DNAH9: variants seen among roughly 807,000 people sequenced by gnomAD.
DNAH9 encodes the protein dynein axonemal heavy chain 9, also known as DNAH9 variant protein.
DNAH9 carries 345 observed loss-of-function variants against 471.6 expected under a neutral mutation model. That is an observed-to-expected ratio of 0.73 (90% CI 0.67 to 0.80). The LOEUF is 0.80. Among genes scored for constraint, DNAH9 ranks in the 30% least tolerant of loss-of-function variants. DNAH9 has a pLI of 0.00. For missense variants in DNAH9, 5,407 were observed against 5,609.2 expected, an observed-to-expected ratio of 0.96 and a Z score of 1.15; for synonymous variants, 2,093 against 2,123.6, an observed-to-expected ratio of 0.99 and a Z score of 0.40.
intron 4 of DNAH9, among the ~76,000 whole-genome samples, chr17:11,615,757 T>A (rs750187904): frequency 1.3e-5 from 2 of 152,216 alleles, no homozygotes; most frequent in African/African-American, 2.4e-5. Context: ...AGATTGTGAT[T>A]TTTAAAAAGA....
At chr17:11,696,391 G>A (rs2074477101) in intron 22 of DNAH9, among the ~76,000 whole-genome samples, 1 of 152,012 alleles carries the variant, frequency 6.6e-6, no homozygotes, top group African/African-American at 2.4e-5. Context: ...ATTATATTTT[G>A]TAATTACAAA....
At chr17:11,864,933 G>A (rs1971989385) in intron 50 of DNAH9, among the ~76,000 whole-genome samples, 1 of 152,072 alleles carries the variant, frequency 6.6e-6, no homozygotes, top group South Asian at 2.1e-4. Flanking sequence ...TGTGAGATGG[G>A]TTTCCTGAAT....
intron 42 of DNAH9, among the ~76,000 whole-genome samples, chr17:11,796,007 C>A (rs752383751): frequency 1.3e-5 from 2 of 152,174 alleles, no homozygotes; most frequent in Admixed American, 6.5e-5. Flanking sequence ...TGATTCATGG[C>A]CCTGTGTGAT....
chr17:11,695,524 A>G (rs931417748), intron 22 of DNAH9, among the ~76,000 whole-genome samples: 29 of 152,218 alleles, frequency 1.9e-4, no homozygotes, highest in African/African-American at 6.8e-4. Flanking sequence ...AGTCTTGGAC[A>G]TGTGACTTCT....
At chr17:11,946,863 AATGCTGTGCCCAGACT>A (rs1975146789) in intron 67 of DNAH9, among the ~76,000 whole-genome samples, 1 of 152,146 alleles carries the variant, frequency 6.6e-6, no homozygotes, top group Admixed American at 6.6e-5. Context: ...GACAAACCCA[AATGCTGTGCCCAGACT>A]GGGCACCAAG....
Position 11,734,390 on chromosome 17 carries a change from G to A in DNAH9, c.5815-4490G>A, listed in dbSNP as rs117604281. On this transcript the variant is annotated intron_variant, in intron 28 of 68. Transcript: ENST00000262442. Reference sequence around the variant, plus strand: ...GAAAAGATGTTGATTTAATTCCTGCGGAATAGGACCAGTGTATCGGTACTT... The same window carrying A: ...GAAAAGATGTTGATTTAATTCCTGCAGAATAGGACCAGTGTATCGGTACTT... Among the ~76,000 whole-genome samples the A allele has an allele frequency of 9.3e-3, 1,424 of 152,310 alleles. 7 individuals are homozygous for A. Among genetic ancestry groups the A allele is most frequent in the Non-Finnish European group, 0.014 (984 of 68,020 alleles).
intron 67 of DNAH9, among the ~76,000 whole-genome samples, chr17:11,949,710 A>G (rs1009731487): frequency 1.3e-5 from 2 of 151,996 alleles, no homozygotes; most frequent in Non-Finnish European, 2.9e-5. Flanking sequence ...CAAACTCCCA[A>G]CCTCAGCTGA....
intron 66 of DNAH9, among the ~76,000 whole-genome samples, chr17:11,941,478 A>G (rs1323506581): frequency 6.6e-6 from 1 of 152,166 alleles, no homozygotes; most frequent in Non-Finnish European, 1.5e-5. Context: ...CTTGCCCCAA[A>G]TTAACTCAGA....
chr17:11,934,181 T>A (rs1447596796), intron 65 of DNAH9, 110 bp downstream of exon 65: 1 of 1,224,080 alleles, frequency 8.2e-7, no homozygotes, highest in Non-Finnish European at 1.1e-6. Context: ...GACATCACCA[T>A]GGGCTGCAGG....
chr17:11,876,983 C>T (rs777200692), intron 53 of DNAH9, among the ~76,000 whole-genome samples: 82 of 151,946 alleles, frequency 5.4e-4, no homozygotes, highest in Non-Finnish European at 8.8e-4. Flanking sequence ...GCCTCAGCCT[C>T]CCAAAGTGCT....
intron 1 of DNAH9, among the ~76,000 whole-genome samples, chr17:11,603,339 C>G (rs879421209): frequency 1.3e-5 from 2 of 152,142 alleles, no homozygotes; most frequent in Non-Finnish European, 2.9e-5. Context: ...TGTCCAAAAC[C>G]TCCTGTTAAC....
chr17:11,964,405 G>A (rs1036888998), intron 68 of DNAH9, among the ~76,000 whole-genome samples: 2 of 152,140 alleles, frequency 1.3e-5, no homozygotes, highest in African/African-American at 4.8e-5. Context: ...AGTTTCAATT[G>A]TCAACCTCCC....
At chr17:11,615,452 G>A (rs1461686403) in intron 4 of DNAH9, among the ~76,000 whole-genome samples, 1 of 152,024 alleles carries the variant, frequency 6.6e-6, no homozygotes, top group Non-Finnish European at 1.5e-5. Context: ...AGACATGGTG[G>A]TGCATGTCTG....
intron 61 of DNAH9, among the ~76,000 whole-genome samples, chr17:11,921,102 C>T (rs995168868): frequency 4.6e-5 from 7 of 151,600 alleles, no homozygotes; most frequent in African/African-American, 1.5e-4. Flanking sequence ...GATCGTACCA[C>T]TGCACTCCAG....
chr17:11,700,506 C>A (rs545637078), intron 23 of DNAH9, among the ~76,000 whole-genome samples: 1 of 152,246 alleles, frequency 6.6e-6, no homozygotes, highest in African/African-American at 2.4e-5. Flanking sequence ...ATAAGCCTTT[C>A]TTTATTTATT....
chr17:11,598,643 A>C lies in DNAH9; in HGVS notation c.145A>C (p.Ser49Arg), dbSNP rs764928180. The change falls in exon 1 of 69, where the codon AGT becomes CGT. Residue 49 changes from serine (S) to arginine (R), a missense_variant. Transcript: ENST00000262442. Reference sequence around the variant, plus strand: ...GGGCGCCTGGGAGCGTTGCGCGGGGAGTGCTGAGGCGGAGCAGCTGCTCCA... The same window carrying C: ...GGGCGCCTGGGAGCGTTGCGCGGGGCGTGCTGAGGCGGAGCAGCTGCTCCA... Reference protein sequence around the residue: ...AAGAWERCAGSAEAEQLLQAF... With the variant: ...AAGAWERCAGRAEAEQLLQAF... The C allele has an allele frequency of 1.2e-5, 16 of 1,341,572 alleles. No individual in the cohort carries two copies. In the South Asian group the frequency reaches 2.6e-4, roughly 21 times the overall value. 83.1% of individuals were successfully genotyped at this position (1,341,572 alleles called of 1,614,324 possible).
chr17:11,815,570 C>G (rs1970068739), intron 45 of DNAH9, among the ~76,000 whole-genome samples: 2 of 152,180 alleles, frequency 1.3e-5, no homozygotes, highest in African/African-American at 4.8e-5. Flanking sequence ...GGGCGGGTCA[C>G]TTGAGCCCCA....
chr17:11,891,731 G>C, intron 57 of DNAH9, 46 bp from the exon 58 acceptor site: 2 of 1,596,012 alleles, frequency 1.3e-6, no homozygotes, highest in Non-Finnish European at 1.7e-6. Flanking sequence ...CTAGTGTATA[G>C]TAAGAGGGCT....
intron 49 of DNAH9, among the ~76,000 whole-genome samples, chr17:11,838,647 G>A (rs1198251551): frequency 6.6e-6 from 1 of 152,118 alleles, no homozygotes; most frequent in Non-Finnish European, 1.5e-5. Context: ...ATGTGGCAGG[G>A]GAGGCTCTAA....
Sources: gnomAD v4.1 joint callset for allele counts (sites outside exome capture counted in the v4.1 genomes callset) on GRCh38, gnomAD v4.1.1 for gene constraint, MANE v1.5 for transcripts, NCBI Gene and HGNC (gene_info 2026-07-23, HGNC 2026-07-21) for gene names.